CCDC86: variants seen among roughly 807,000 people sequenced by gnomAD.
The protein encoded by CCDC86 is coiled-coil domain containing 86, also known as coiled-coil domain-containing protein 86.
CCDC86 carries 28 observed loss-of-function variants against 36.7 expected under a neutral mutation model. The ratio of observed to expected loss-of-function variants is 0.76; its 90% CI spans 0.57 to 1.05. The LOEUF is 1.05. CCDC86 is among the 50% of genes least tolerant of loss of function. The pLI is 0.00. For synonymous variants in CCDC86, 199 were observed against 203.4 expected (o/e 0.98, Z 0.18); for missense variants, 453 against 470.2 (o/e 0.96, Z 0.34).
At chr11:60,846,816 G>A (rs966633288) in intron 1 of CCDC86, among the ~76,000 whole-genome samples, 1 of 151,940 alleles carries the variant, frequency 6.6e-6, no homozygotes, top group South Asian at 2.1e-4. Context: ...TTAGGTGATC[G>A]GCCCACCTCA....
intron 2 of CCDC86, among the ~76,000 whole-genome samples, chr11:60,849,417 C>A (rs979463668): frequency 4.6e-5 from 7 of 152,224 alleles, no homozygotes; most frequent in Admixed American, 3.9e-4. Flanking sequence ...CAGATTGAAA[C>A]CCAGCCCAGA....
rs546309078 is a variant in CCDC86, at chr11:60,849,876, G to C, written c.889-64G>C. On this transcript the variant is annotated intron_variant, in intron 2 of 3. Coordinates refer to ENST00000227520, the MANE Select transcript of CCDC86 (RefSeq NM_024098.4). ...AATTCTGCCCGCTCGCACTCTTCTG[G>C]GGCCTGAGAGACCAGGGCTGCCTCT... is the stretch of plus-strand genomic sequence containing the variant. 27 of 1,383,434 alleles carry C rather than the reference G, an allele frequency of 2.0e-5. No individual in the cohort carries two copies. The African/African-American group carries it at 3.5e-4, about 18-fold the overall frequency. 85.7% of individuals were successfully genotyped at this position (1,383,434 alleles called of 1,614,324 possible).
chr11:60,848,600 G>C (rs1855216949), intron 2 of CCDC86, among the ~76,000 whole-genome samples: 1 of 152,148 alleles, frequency 6.6e-6, no homozygotes, highest in Non-Finnish European at 1.5e-5. Context: ...ACATCTGCCA[G>C]GGACTTTTAA....
intron 1 of CCDC86, among the ~76,000 whole-genome samples, chr11:60,846,234 G>A (rs945227257): frequency 2.6e-5 from 4 of 152,074 alleles, no homozygotes; most frequent in African/African-American, 9.7e-5. Context: ...ACAGTTATGG[G>A]GGAAGTCCAT....
Position 60,842,995 on chromosome 11 carries a change from G to A in CCDC86, c.758+113G>A, listed in dbSNP as rs192692508. 52 of 1,353,396 alleles carry A rather than the reference G, an allele frequency of 3.8e-5. No homozygotes were observed. The African/African-American group carries it at 6.4e-4, about 17-fold the overall frequency. 83.8% of individuals were successfully genotyped at this position (1,353,396 alleles called of 1,614,324 possible). On this transcript the variant is annotated intron_variant, in intron 1 of 3. Transcript: ENST00000227520. ...CCAGGGTTAGAGAGAGCTCACGTTAGTGGGGATGTTAGCAAACAGGTAATT... is the reference window on the plus strand; with the variant it reads ...CCAGGGTTAGAGAGAGCTCACGTTAATGGGGATGTTAGCAAACAGGTAATT...
chr11:60,845,601 G>A (rs1855173671), intron 1 of CCDC86, among the ~76,000 whole-genome samples: 1 of 152,246 alleles, frequency 6.6e-6, no homozygotes, highest in African/African-American at 2.4e-5. Context: ...AGCCGCAGCT[G>A]GGAAAGTGTA....
intron 2 of CCDC86, among the ~76,000 whole-genome samples, chr11:60,849,459 C>T (rs1356174342): frequency 6.6e-6 from 1 of 151,970 alleles, no homozygotes; most frequent in East Asian, 1.9e-4. Flanking sequence ...GCAGTGCAGC[C>T]CCTGCCCAGC....
rs1477996320 is a variant in CCDC86, at chr11:60,842,951, T to A, written c.758+69T>A. Reference sequence around the variant, plus strand: ...TGTTGGGACCCCGCCTTTGCCCTGCTGCAGCCTGGAGAATAGCCCCAGGGT... The same window carrying A: ...TGTTGGGACCCCGCCTTTGCCCTGCAGCAGCCTGGAGAATAGCCCCAGGGT... On this transcript the variant is annotated intron_variant, in intron 1 of 3. Coordinates refer to ENST00000227520, the MANE Select transcript of CCDC86 (RefSeq NM_024098.4). 2.8e-5 allele frequency: 42 copies of A among 1,502,270 alleles called. 1 individual carries two copies. 93.1% of individuals were successfully genotyped at this position (1,502,270 alleles called of 1,614,324 possible).
At chr11:60,848,195 G>A in intron 2 of CCDC86, 142 bp downstream of exon 2, 2 of 1,076,098 alleles carry the variant, frequency 1.9e-6, no homozygotes, top group South Asian at 3.2e-5. Context: ...AGGCCGGAGG[G>A]AGGAAGGGCA....
rs1289416008 is a variant in CCDC86, at chr11:60,842,765, G to A, written c.641G>A (p.Arg214Gln). Residue 214 changes from arginine (R) to glutamine (Q), a missense_variant, in exon 1 of 4, where the codon CGA becomes CAA. Transcript: ENST00000227520. ...TVTGGFGAKK[R>Q]KGSSSQAPAS... is the part of the protein sequence containing the mutation. ...ACAGGCGGCTTCGGGGCAAAGAAGCGAAAAGGTTCTTCATCCCAGGCCCCA... is the reference window on the plus strand; with the variant it reads ...ACAGGCGGCTTCGGGGCAAAGAAGCAAAAAGGTTCTTCATCCCAGGCCCCA... 2 of 1,613,410 alleles carry A rather than the reference G, an allele frequency of 1.2e-6. No individual in the cohort carries two copies. Among genetic ancestry groups the A allele is most frequent in the Non-Finnish European group, 1.7e-6 (2 of 1,179,482 alleles).
chr11:60,842,229 C>G lies in CCDC86; in HGVS notation c.105C>G (p.Phe35Leu). 1.2e-6 allele frequency: 2 copies of G among 1,613,302 alleles called. No individual in the cohort carries two copies. Among genetic ancestry groups the G allele is most frequent in the Non-Finnish European group, 1.7e-6 (2 of 1,179,874 alleles). ...VSRTRRALVEFESNPEETREP... is the reference protein window; with the variant it reads ...VSRTRRALVELESNPEETREP... ...GGACGAGACGGGCCCTTGTGGAGTT[C>G]GAGTCGAACCCAGAAGAAACGAGGG... The change falls in exon 1 of 4, where the codon TTC becomes TTG. Residue 35 changes from phenylalanine (F) to leucine (L), a missense_variant. By Grantham distance (22) the Phe-to-Leu change is conservative. Coordinates refer to ENST00000227520, the MANE Select transcript of CCDC86 (RefSeq NM_024098.4).
Position 60,842,753 on chromosome 11 carries a change from G to C in CCDC86, c.629G>C (p.Gly210Ala), listed in dbSNP as rs201999894. The C allele has an allele frequency of 8.3e-5, 134 of 1,613,322 alleles. No individual in the cohort carries two copies. Among genetic ancestry groups the C allele is most frequent in the Middle Eastern group, 8.2e-4 (5 of 6,078 alleles). Residue 210 changes from glycine (G) to alanine (A), a missense_variant, in exon 1 of 4, where the codon GGG becomes GCG. By Grantham distance (60) the Gly-to-Ala change is moderately conservative (BLOSUM62 0). Coordinates refer to ENST00000227520, the MANE Select transcript of CCDC86 (RefSeq NM_024098.4). The part of the protein sequence containing the change: ...PAGETVTGGF[G>A]AKKRKGSSSQ... ...GGGGAGACGGTGACAGGCGGCTTCG[G>C]GGCAAAGAAGCGAAAAGGTTCTTCA... is the stretch of plus-strand genomic sequence containing the variant.
intron 1 of CCDC86, among the ~76,000 whole-genome samples, chr11:60,845,693 T>C (rs1365395768): frequency 1.3e-5 from 2 of 152,272 alleles, no homozygotes; most frequent in African/African-American, 4.8e-5. Context: ...TTGGGCATGC[T>C]GTCTGCCTTC....
chr11:60,846,885 T>A (rs374084374), intron 1 of CCDC86, among the ~76,000 whole-genome samples: 67 of 12,608 alleles, frequency 5.3e-3, no homozygotes, highest in African/African-American at 0.014. Flanking sequence ...ATCTTTGGCA[T>A]TTTTTTTTCC....
Position 60,842,172 on chromosome 11 carries a change from C to G in CCDC86, c.48C>G (p.Pro16=). 1 of 1,609,366 alleles carries G rather than the reference C, an allele frequency of 6.2e-7. No homozygotes were observed. The highest frequency in any genetic ancestry group is 8.5e-7 in the Non-Finnish European group (1 of 1,178,310). ...RRSRRLGGLR[P]ESPESLTSVS... is the part of the protein sequence containing the mutation. ...GCCGACGGCTGGGAGGCCTAAGGCC[C>G]GAATCCCCCGAGAGCCTCACCTCAG... The change falls in exon 1 of 4, where the codon CCC becomes CCG. Residue 16 remains proline, a synonymous_variant. Transcript: ENST00000227520.
chr11:60,843,090 C>A (rs1017152023), intron 1 of CCDC86: 3 of 613,124 alleles, frequency 4.9e-6, no homozygotes, highest in Admixed American at 3.8e-5. Flanking sequence ...AGATCAATTT[C>A]TCTGATGCCT....
Position 60,842,881 on chromosome 11 carries a change from A to C in CCDC86, c.757A>C (p.Arg253=). The C allele has an allele frequency of 6.4e-7, 1 of 1,559,434 alleles. No individual in the cohort carries two copies. The highest frequency in any genetic ancestry group is 8.7e-7 in the Non-Finnish European group (1 of 1,151,358). Residue 253 remains arginine, a splice_region_variant and synonymous_variant, in exon 1 of 4, where the codon AGA becomes CGA. Transcript: ENST00000227520. The part of the protein sequence containing the change: ...GRVWKDRSKK[R]FSQMLQDKPL... ...AGTGTGGAAGGACCGCTCCAAGAAA[A>C]GGTGAAGTGGGGGACAGCATGGACA...
chr11:60,850,112 G>A (rs372195164), intron 3 of CCDC86, 94 bp from the exon 4 acceptor site: 39 of 1,606,758 alleles, frequency 2.4e-5, no homozygotes, highest in African/African-American at 2.4e-4. Context: ...CTCATGCTAC[G>A]ATCTCAGGCC....
intron 1 of CCDC86, among the ~76,000 whole-genome samples, chr11:60,845,481 C>T (rs1336226157): frequency 1.3e-5 from 2 of 152,160 alleles, no homozygotes; most frequent in African/African-American, 4.8e-5. Flanking sequence ...GGCGAGGGGC[C>T]CAGCAGGGCC....
Sources: gnomAD v4.1 joint callset for allele counts (sites outside exome capture counted in the v4.1 genomes callset) on GRCh38, gnomAD v4.1.1 for gene constraint, MANE v1.5 for transcripts, NCBI Gene and HGNC (gene_info 2026-07-23, HGNC 2026-07-21) for gene names.